Variants in CSMD1 observed in about 807,000 individuals in gnomAD.
CSMD1 encodes CUB and Sushi multiple domains 1, also known as CUB and sushi domain-containing protein 1.
CSMD1 carries 213 observed loss-of-function variants against 417.5 expected under a neutral mutation model. The observed-to-expected ratio is 0.51, with a 90% CI of 0.46 to 0.57. The LOEUF is 0.57. CSMD1 is among the 20% of genes least tolerant of loss of function. The pLI is 0.00. For missense variants in CSMD1, 6,923 were observed against 4,529.7 expected (o/e 1.53, Z -15.17); for synonymous variants, 2,862 against 1,736.8 (o/e 1.65, Z -16.11).
chr8:3,211,659 G>C (rs1585668896), intron 30 of CSMD1, among the ~76,000 whole-genome samples: 1 of 152,330 alleles, frequency 6.6e-6, no homozygotes, highest in Non-Finnish European at 1.5e-5. Context: ...TGTCTGGAGT[G>C]ACACAGACGG....
intron 1 of CSMD1, among the ~76,000 whole-genome samples, chr8:4,831,175 A>G (rs1800129248): frequency 6.6e-6 from 1 of 152,318 alleles, no homozygotes; most frequent in East Asian, 1.9e-4. Context: ...AGAATCTAGA[A>G]TCTGAAAAAT....
At chr8:4,396,389 C>T (rs1200498856) in intron 3 of CSMD1, among the ~76,000 whole-genome samples, 2 of 152,018 alleles carry the variant, frequency 1.3e-5, no homozygotes, top group African/African-American at 4.8e-5. Flanking sequence ...ATTGCTTGAG[C>T]CTGGGAGGCA....
At chr8:3,118,644 G>A in intron 41 of CSMD1, 57 bp from the exon 42 acceptor site, 5 of 1,485,184 alleles carry the variant, frequency 3.4e-6, no homozygotes, top group South Asian at 2.5e-5. Context: ...AATTACTTCG[G>A]AATTTGCAGG....
intron 3 of CSMD1, among the ~76,000 whole-genome samples, chr8:4,248,034 A>C (rs17069732): frequency 0.037 from 5,596 of 152,168 alleles, 346 homozygotes; most frequent in African/African-American, 0.13. Flanking sequence ...TCATTTAGAG[A>C]AGTTATTTAT....
chr8:4,136,456 C>T (rs1026886097), intron 3 of CSMD1, among the ~76,000 whole-genome samples: 1 of 152,138 alleles, frequency 6.6e-6, no homozygotes, highest in African/African-American at 2.4e-5. Flanking sequence ...TGAAAAATGC[C>T]TCTGTGTGTT....
intron 12 of CSMD1, among the ~76,000 whole-genome samples, chr8:3,433,706 C>A (rs1169639917): frequency 1.3e-5 from 2 of 152,128 alleles, no homozygotes; most frequent in Admixed American, 1.3e-4. Flanking sequence ...TGCCTGCAAC[C>A]CCATATTCTT....
intron 3 of CSMD1, among the ~76,000 whole-genome samples, chr8:4,139,540 C>T (rs1803650786): frequency 6.6e-6 from 1 of 150,978 alleles, no homozygotes; most frequent in South Asian, 2.1e-4. Context: ...TGGCACTCAT[C>T]CTGCACGACG....
At chr8:3,347,396 C>G (rs927487036) in intron 22 of CSMD1, among the ~76,000 whole-genome samples, 1 of 152,194 alleles carries the variant, frequency 6.6e-6, no homozygotes, top group Non-Finnish European at 1.5e-5. Context: ...AACGCAGGAC[C>G]TGGGTACCCC....
intron 11 of CSMD1, among the ~76,000 whole-genome samples, chr8:3,480,957 C>T (rs2117242706): frequency 6.6e-6 from 1 of 151,922 alleles, no homozygotes; most frequent in African/African-American, 2.4e-5. Context: ...GAGATCGAGA[C>T]TATCCTGGCT....
At chr8:3,009,850 A>G (rs537890470) in intron 52 of CSMD1, among the ~76,000 whole-genome samples, 1 of 152,274 alleles carries the variant, frequency 6.6e-6, no homozygotes, top group Non-Finnish European at 1.5e-5. Context: ...CCATTTGATC[A>G]GATCTCTGCT....
At chr8:4,130,937 T>A (rs367743629) in intron 3 of CSMD1, among the ~76,000 whole-genome samples, 1 of 152,120 alleles carries the variant, frequency 6.6e-6, no homozygotes. Context: ...GCTTTCTGAA[T>A]ATCATATCTA....
chr8:4,681,020 A>G (rs1367943476), intron 1 of CSMD1, among the ~76,000 whole-genome samples: 1 of 150,774 alleles, frequency 6.6e-6, no homozygotes, highest in Non-Finnish European at 1.5e-5. Flanking sequence ...AAGTCATGCA[A>G]CCTCTGGAAA....
intron 1 of CSMD1, among the ~76,000 whole-genome samples, chr8:4,768,702 G>C (rs913633410): frequency 6.6e-6 from 1 of 152,158 alleles, no homozygotes; most frequent in Admixed American, 6.5e-5. Context: ...ACACTTACCC[G>C]AGGCACTGGA....
intron 3 of CSMD1, among the ~76,000 whole-genome samples, chr8:4,125,416 A>G (rs1328112624): frequency 2.6e-5 from 4 of 152,276 alleles, no homozygotes; most frequent in East Asian, 3.9e-4. Context: ...GACGAAACCA[A>G]TGCACATCTT....
chr8:4,183,598 TTG>T (rs1798499281), intron 3 of CSMD1, among the ~76,000 whole-genome samples: 2 of 152,320 alleles, frequency 1.3e-5, no homozygotes, highest in East Asian at 3.9e-4. Context: ...ATTCATAATT[TTG>T]AACTTTTTTA....
At chr8:3,523,816 C>T (rs1428602753) in intron 10 of CSMD1, among the ~76,000 whole-genome samples, 7 of 150,656 alleles carry the variant, frequency 4.6e-5, no homozygotes, top group African/African-American at 9.8e-5. Context: ...CATACACACA[C>T]GCACATATGC....
chr8:3,488,377 G>C (rs529395381), intron 11 of CSMD1, among the ~76,000 whole-genome samples: 13 of 151,870 alleles, frequency 8.6e-5, no homozygotes, highest in Non-Finnish European at 1.3e-4. Context: ...CAAAGTTCCG[G>C]GATTATAGGC....
At chr8:3,331,993 G>A (rs191317010) in intron 23 of CSMD1, among the ~76,000 whole-genome samples, 10 of 152,188 alleles carry the variant, frequency 6.6e-5, no homozygotes, top group South Asian at 4.2e-4. Flanking sequence ...TAATTGCCTC[G>A]TCAATCAGTA....
intron 3 of CSMD1, among the ~76,000 whole-genome samples, chr8:4,180,655 GCCCT>G (rs1293299960): frequency 2.6e-5 from 4 of 152,016 alleles, no homozygotes; most frequent in Admixed American, 2.6e-4. Context: ...TTCTAATCCT[GCCCT>G]GCCAGCACTG....
Sources: gnomAD v4.1 joint callset for allele counts (sites outside exome capture counted in the v4.1 genomes callset) on GRCh38, gnomAD v4.1.1 for gene constraint, MANE v1.5 for transcripts, NCBI Gene and HGNC (gene_info 2026-07-23, HGNC 2026-07-21) for gene names.